The following ACAD9 variants were observed in gnomAD, a reference collection of about 807,000 sequenced individuals.
ACAD9 encodes the protein complex I assembly factor ACAD9, mitochondrial.
Under a neutral mutation model 70.2 loss-of-function variants are expected in ACAD9, and 53 were observed. The ratio of observed to expected loss-of-function variants is 0.75; its 90% CI spans 0.61 to 0.95. The LOEUF is 0.95. ACAD9 is among the 40% of genes least tolerant of loss of function. The probability of loss-of-function intolerance (pLI) is 0.00; values close to 1 mark genes in which losing one functional copy is unlikely to be tolerated. For missense variants in ACAD9, 777 were observed against 802.8 expected, an observed-to-expected ratio of 0.97 and a Z score of 0.39; for synonymous variants, 313 against 312.1, an observed-to-expected ratio of 1.00 and a Z score of -0.03.
At chr3:128,898,292 A>G (rs1935624617) in intron 6 of ACAD9, 1 of 377,246 alleles carries the variant, frequency 2.7e-6, no homozygotes. Context: ...CCACCTCCAG[A>G]TCGCATGGTA....
chr3:128,911,097 C>T (rs568728370), intron 17 of ACAD9, among the ~76,000 whole-genome samples: 1 of 152,338 alleles, frequency 6.6e-6, no homozygotes, highest in African/African-American at 2.4e-5. Context: ...GCTCTTGTTG[C>T]CCAAGCTGGA....
intron 2 of ACAD9, 135 bp downstream of exon 2, chr3:128,884,881 G>C: frequency 1.3e-6 from 1 of 756,834 alleles, no homozygotes; most frequent in South Asian, 1.5e-5. Flanking sequence ...TTTTGCTTTA[G>C]GTTTCATCCC....
chr3:128,904,394 T>G lies in ACAD9; in HGVS notation c.1038T>G (p.Phe346Leu), dbSNP rs1243559641. 1 of 1,614,272 alleles carries G rather than the reference T, an allele frequency of 6.2e-7. No homozygotes were observed. The change falls in exon 11 of 18, where the codon TTT (phenylalanine) becomes TTG (leucine). Residue 346 changes from phenylalanine (F) to leucine (L), a missense_variant. By Grantham distance (22) the Phe-to-Leu change is conservative (BLOSUM62 0). Transcript: ENST00000308982. ...LSEFGLIQEK[F>L]ALMAQKAYVM... ...TTTTCTGAACACTCCAGGAGAAATTTGCACTGATGGCTCAGAAGGCTTACG... is the reference window on the plus strand; with the variant it reads ...TTTTCTGAACACTCCAGGAGAAATTGGCACTGATGGCTCAGAAGGCTTACG...
intron 1 of ACAD9, 85 bp from the exon 2 acceptor site, chr3:128,884,566 CAT>C (rs1202381129): frequency 1.0e-6 from 1 of 968,828 alleles, no homozygotes; most frequent in African/African-American, 1.6e-5. Context: ...GAGTGGAGCA[CAT>C]GTTTTTCCTT....
intron 5 of ACAD9, 151 bp from the exon 6 acceptor site, chr3:128,897,481 G>A (rs1322182225): frequency 5.6e-6 from 4 of 720,596 alleles, no homozygotes; most frequent in African/African-American, 5.2e-5. Context: ...CAGACATCCT[G>A]CAGCTTGGAA....
At chr3:128,880,481 C>G (rs1306907051) in intron 1 of ACAD9, among the ~76,000 whole-genome samples, 1 of 152,046 alleles carries the variant, frequency 6.6e-6, no homozygotes, top group Non-Finnish European at 1.5e-5. Context: ...TGCAACCTCC[C>G]TCCTGGGTTC....
chr3:128,887,641 AT>A (rs1161419084), intron 2 of ACAD9, among the ~76,000 whole-genome samples: 6 of 92,396 alleles, frequency 6.5e-5, no homozygotes, highest in African/African-American at 1.7e-4. Flanking sequence ...AAAAAAATAA[AT>A]AAATATATAT....
At chr3:128,892,406 AT>A (rs1165828675) in intron 2 of ACAD9, among the ~76,000 whole-genome samples, 1 of 152,232 alleles carries the variant, frequency 6.6e-6, no homozygotes, top group African/African-American at 2.4e-5. Flanking sequence ...GTTTTTAACA[AT>A]TTATAATACT....
At position 128,895,299 on chromosome 3, in the gene ACAD9, A is replaced by G. The variant is rs1576337687; in HGVS notation, c.347-11A>G. On this transcript the variant is annotated splice_polypyrimidine_tract_variant and intron_variant, in intron 3 of 17. Transcript: ENST00000308982. ...GCTGGGCTGTGATTGACGCTGGTCC[A>G]TCTCTCCTAGGTGGCCTGGGCTTCT... The G allele has an allele frequency of 6.2e-7, 1 of 1,604,296 alleles. No homozygotes were observed. The highest frequency in any genetic ancestry group is 1.1e-5 in the South Asian group (1 of 89,682).
intron 12 of ACAD9, 65 bp downstream of exon 12, chr3:128,906,314 G>A: frequency 6.2e-7 from 1 of 1,604,948 alleles, no homozygotes; most frequent in Middle Eastern, 1.7e-4. Flanking sequence ...TAAAGATGCT[G>A]CTCAGGGCCT....
At chr3:128,904,880 C>CA (rs1935842807) in intron 11 of ACAD9, among the ~76,000 whole-genome samples, 1 of 152,158 alleles carries the variant, frequency 6.6e-6, no homozygotes, top group African/African-American at 2.4e-5. Context: ...CGCGGTGGCT[C>CA]ACACCTGTAA....
chr3:128,893,223 A>ACCTG (rs1935473366), intron 2 of ACAD9, among the ~76,000 whole-genome samples: 1 of 151,422 alleles, frequency 6.6e-6, no homozygotes, highest in Non-Finnish European at 1.5e-5. Context: ...GGTGGTATAT[A>ACCTG]CCTGTAGTCC....
chr3:128,909,063 G>A lies in ACAD9; in HGVS notation c.1449G>A (p.Leu483=). 6.2e-7 allele frequency: 1 copy of A among 1,614,140 alleles called. No homozygotes were observed. Among genetic ancestry groups the A allele is most frequent in the East Asian group, 2.2e-5 (1 of 44,884 alleles). Residue 483 remains leucine (L), a synonymous_variant, in exon 14 of 18, where the codon CTG becomes CTA. Coordinates refer to ENST00000308982, the MANE Select transcript of ACAD9 (RefSeq NM_014049.5). ...DSLGRTVDLG[L]TGNHGVVHPS... ...TGGGCCGAACTGTGGACCTGGGGCT[G>A]ACAGGCAACCATGGAGTTGTGCACC...
At chr3:128,890,104 G>A (rs1408912815) in intron 2 of ACAD9, among the ~76,000 whole-genome samples, 1 of 152,046 alleles carries the variant, frequency 6.6e-6, no homozygotes, top group African/African-American at 2.4e-5. Flanking sequence ...GGGATTACAG[G>A]TATGAACCAC....
chr3:128,912,493 C>T lies in ACAD9; in HGVS notation c.1766-14C>T. The T allele has an allele frequency of 6.2e-7, 1 of 1,611,416 alleles. No individual in the cohort carries two copies. The highest frequency in any genetic ancestry group is 8.5e-7 in the Non-Finnish European group (1 of 1,177,668). The stretch of plus-strand genomic sequence containing the variant: ...GCAGAAAGATCACCCACCATCTCTC[C>T]TTTTCCTTCCCAGATGCTCCAGAAA... On this transcript the variant is annotated splice_polypyrimidine_tract_variant and intron_variant, in intron 17 of 17. Transcript: ENST00000308982.
rs114667969 is a variant in ACAD9, at chr3:128,899,946, G to A, written c.808+485G>A. 4.0e-3 allele frequency among the ~76,000 whole-genome samples: 603 copies of A among 152,228 alleles called. 3 individuals carry two copies. The highest frequency in any genetic ancestry group is 6.7e-3 in the Non-Finnish European group (459 of 68,016). Reference sequence around the variant, plus strand: ...AAGCCATATAAGTACTATTTTTGCCGTGGGAGACATAGTCTCCCTCTGTCA... The same window carrying A: ...AAGCCATATAAGTACTATTTTTGCCATGGGAGACATAGTCTCCCTCTGTCA... On this transcript the variant is annotated intron_variant, in intron 7 of 17. Transcript: ENST00000308982.
At chr3:128,901,172 TTGGA>T (rs370353055) in intron 7 of ACAD9, 100 bp from the exon 8 acceptor site, 267 of 1,075,480 alleles carry the variant, frequency 2.5e-4, no homozygotes, top group Non-Finnish European at 3.2e-4. Context: ...CTACCAAACA[TTGGA>T]TGGATGGATG....
At chr3:128,909,772 T>TA in intron 15 of ACAD9, 1 of 618,886 alleles carries the variant, frequency 1.6e-6, no homozygotes, top group Non-Finnish European at 2.8e-6. Flanking sequence ...AGCACTGGCT[T>TA]CTGGTCTCAG....
In ACAD9 at chr3:128,902,606, T is replaced by C; in HGVS notation, c.936T>C (p.Ala312=). 4 of 1,614,132 alleles carry C rather than the reference T, an allele frequency of 2.5e-6. No individual in the cohort carries two copies. The highest frequency in any genetic ancestry group is 3.4e-6 in the Non-Finnish European group (4 of 1,180,008). Residue 312 remains alanine, a synonymous_variant, in exon 9 of 18, where the codon GCT becomes GCC. Coordinates refer to ENST00000308982, the MANE Select transcript of ACAD9 (RefSeq NM_014049.5). The surrounding 1 kb of genome is among the most constrained non-coding windows in gnomAD (Gnocchi z 4.0). ...GGTTCAGCATGGGCAGCGTCGTGGC[T>C]GGGCTGCTCAAGAGATTGATTGGTA... ...SGRFSMGSVV[A]GLLKRLIEMT...
Sources: gnomAD v4.1 joint callset for allele counts (sites outside exome capture counted in the v4.1 genomes callset) on GRCh38, gnomAD v4.1.1 for gene constraint, Gnocchi (gnomAD v3.1) non-coding constraint, MANE v1.5 for transcripts, NCBI Gene and HGNC (gene_info 2026-07-23, HGNC 2026-07-21) for gene names.